The following SRD5A2 variants were observed in gnomAD, a reference collection of about 807,000 sequenced individuals.
The protein encoded by SRD5A2 is steroid 5 alpha-reductase 2, also known as 3-oxo-5-alpha-steroid 4-dehydrogenase 2.
SRD5A2 carries 30 observed loss-of-function variants against 27.4 expected under a neutral mutation model. The ratio of observed to expected loss-of-function variants is 1.10; its 90% CI spans 0.82 to 1.49. SRD5A2 has a LOEUF of 1.49. Among genes scored for constraint, SRD5A2 ranks in the 40% most tolerant of loss-of-function variants. The pLI, the probability that SRD5A2 is intolerant of heterozygous loss-of-function variation, is 0.00. For synonymous variants in SRD5A2, 141 were observed against 133.6 expected (o/e 1.06, Z -0.38); for missense variants, 348 against 323.4 (o/e 1.08, Z -0.58).
intron 2 of SRD5A2, among the ~76,000 whole-genome samples, chr2:31,532,868 G>A (rs1029891511): frequency 2.6e-5 from 4 of 151,936 alleles, no homozygotes; most frequent in Non-Finnish European, 5.9e-5. Flanking sequence ...GGGTGGTCAG[G>A]GAAAGTCCCT....
chr2:31,611,159 T>A, the SRD5A2 span, among the ~76,000 whole-genome samples: 2 of 152,024 alleles, frequency 1.3e-5, no homozygotes, highest in African/African-American at 4.8e-5. Flanking sequence ...AGAATCAACT[T>A]CTAGACATAC....
the SRD5A2 span, among the ~76,000 whole-genome samples, chr2:31,636,112 C>A: frequency 6.6e-6 from 1 of 151,960 alleles, no homozygotes; most frequent in African/African-American, 2.4e-5. Flanking sequence ...TGCATTGAAT[C>A]TGTGTATTTC....
chr2:31,536,506 T>C (rs1464676242), intron 1 of SRD5A2, among the ~76,000 whole-genome samples: 1 of 152,182 alleles, frequency 6.6e-6, no homozygotes, highest in Non-Finnish European at 1.5e-5. Flanking sequence ...ACCCTCATTC[T>C]TTTGGCCCCA....
intron 1 of SRD5A2, among the ~76,000 whole-genome samples, chr2:31,573,615 G>C (rs947088495): frequency 6.6e-6 from 1 of 152,104 alleles, no homozygotes; most frequent in African/African-American, 2.4e-5. Context: ...GCTGGCTGAG[G>C]GCCCTTCATT....
At chr2:31,585,978 T>G in the SRD5A2 span, among the ~76,000 whole-genome samples, 1 of 151,998 alleles carries the variant, frequency 6.6e-6, no homozygotes, top group Non-Finnish European at 1.5e-5. Context: ...GAGGAAAGAG[T>G]GGGAAAGACT....
At chr2:31,566,949 T>C (rs1666741489) in intron 1 of SRD5A2, among the ~76,000 whole-genome samples, 1 of 152,218 alleles carries the variant, frequency 6.6e-6, no homozygotes, top group South Asian at 2.1e-4. Context: ...CAATTTTCAT[T>C]TGTACATGTC....
chr2:31,578,863 T>G (rs1348011692), intron 1 of SRD5A2, among the ~76,000 whole-genome samples: 1 of 152,222 alleles, frequency 6.6e-6, no homozygotes, highest in African/African-American at 2.4e-5. Context: ...AAAGATTACA[T>G]TAATATGATT....
the SRD5A2 span, among the ~76,000 whole-genome samples, chr2:31,657,023 CA>C: frequency 1.3e-5 from 2 of 151,716 alleles, no homozygotes; most frequent in African/African-American, 4.8e-5. Context: ...GAAACTATCA[CA>C]AAAAAAAGTA....
chr2:31,644,348 G>A, the SRD5A2 span, among the ~76,000 whole-genome samples: 7 of 152,158 alleles, frequency 4.6e-5, no homozygotes, highest in Non-Finnish European at 1.0e-4. Context: ...TCCAGGACTG[G>A]ATTTTGAGCC....
rs543270284 is a variant in SRD5A2, at chr2:31,550,330, A to G, written c.282-16564T>C. On this transcript the variant is annotated intron_variant, in intron 1 of 4. Coordinates refer to ENST00000622030, the MANE Select transcript of SRD5A2 (RefSeq NM_000348.4). ...CATTTAAGTAATTAATACCAATTCT[A>G]TGTGATTTCTTCCAAAAAATAGAAG... 2.6e-5 allele frequency among the ~76,000 whole-genome samples: 4 copies of G among 151,960 alleles called. No individual in the cohort carries two copies. The East Asian group carries it at 7.7e-4, about 29-fold the overall frequency.
chr2:31,637,019 T>C, the SRD5A2 span, among the ~76,000 whole-genome samples: 1 of 152,062 alleles, frequency 6.6e-6, no homozygotes, highest in Non-Finnish European at 1.5e-5. Context: ...TTCTTTTCCA[T>C]TTTTTTGAAA....
At chr2:31,626,284 G>A in the SRD5A2 span, among the ~76,000 whole-genome samples, 7 of 152,132 alleles carry the variant, frequency 4.6e-5, no homozygotes, top group African/African-American at 1.2e-4. Context: ...TTCTAAATAT[G>A]CAATCATGTC....
chr2:31,648,972 T>G, the SRD5A2 span, among the ~76,000 whole-genome samples: 8 of 152,318 alleles, frequency 5.3e-5, no homozygotes, highest in African/African-American at 1.9e-4. Context: ...CCTTATAAGA[T>G]GTGCTTCTCT....
chr2:31,596,109 G>A, the SRD5A2 span, among the ~76,000 whole-genome samples: 1 of 152,166 alleles, frequency 6.6e-6, no homozygotes, highest in East Asian at 1.9e-4. Context: ...ATTGATTGAG[G>A]AAGAGTTGAA....
chr2:31,529,161 C>T, intron 4 of SRD5A2, 146 bp downstream of exon 4: 1 of 1,195,046 alleles, frequency 8.4e-7, no homozygotes, highest in Admixed American at 2.8e-5. Flanking sequence ...CCCAGCAAGT[C>T]AGAATATGCT....
the SRD5A2 span, among the ~76,000 whole-genome samples, chr2:31,592,521 A>C: frequency 3.9e-5 from 6 of 152,212 alleles, no homozygotes; most frequent in Non-Finnish European, 8.8e-5. Context: ...GGATCACATC[A>C]CAGGACTCTT....
At chr2:31,565,728 G>T (rs564608926) in intron 1 of SRD5A2, among the ~76,000 whole-genome samples, 1 of 151,918 alleles carries the variant, frequency 6.6e-6, no homozygotes, top group East Asian at 1.9e-4. Context: ...TGATAGAGCT[G>T]TAAGAAAAAA....
chr2:31,537,096 T>C (rs569071580), intron 1 of SRD5A2, among the ~76,000 whole-genome samples: 24 of 152,206 alleles, frequency 1.6e-4, no homozygotes, highest in Non-Finnish European at 3.2e-4. Context: ...TTTAACTAAG[T>C]CTTCTTCAAA....
chr2:31,561,153 A>G (rs1478403270), intron 1 of SRD5A2, among the ~76,000 whole-genome samples: 3 of 152,108 alleles, frequency 2.0e-5, no homozygotes, highest in African/African-American at 7.2e-5. Context: ...CTCAATAATA[A>G]TGCAATGAGA....
Sources: allele counts gnomAD v4.1 joint callset (sites outside exome capture counted in the v4.1 genomes callset), GRCh38; gene constraint gnomAD v4.1.1; transcripts MANE v1.5; gene names NCBI Gene and HGNC (gene_info 2026-07-23, HGNC 2026-07-21).